The following CDH4 variants were observed in gnomAD, a reference collection of about 807,000 sequenced individuals.
CDH4 encodes cadherin-4.
In CDH4, 33 loss-of-function variants were observed where a neutral mutation model predicts 86.0. That is an observed-to-expected ratio of 0.38 (90% CI 0.29 to 0.51). The LOEUF is 0.51. Ranked by LOEUF, CDH4 falls within the 20% of genes least tolerant of loss-of-function variation. The pLI, the probability that CDH4 is intolerant of heterozygous loss-of-function variation, is 0.86. For missense variants in CDH4, 1,114 were observed against 1,307.4 expected, an observed-to-expected ratio of 0.85 and a Z score of 2.28; for synonymous variants, 555 against 549.4, an observed-to-expected ratio of 1.01 and a Z score of -0.14.
At position 61,501,877 on chromosome 20, in the gene CDH4, G is replaced by A. The variant is rs193266317; in HGVS notation, c.170-241686G>A. 1.6e-3 allele frequency among the ~76,000 whole-genome samples: 237 copies of A among 152,232 alleles called. 1 individual carries two copies. Among genetic ancestry groups the A allele is most frequent in the African/African-American group, 5.6e-3 (234 of 41,544 alleles). On this transcript the variant is annotated intron_variant, in intron 2 of 15. Transcript: ENST00000614565. The surrounding 1 kb of genome is among the most constrained non-coding windows in gnomAD (Gnocchi z 4.2). ...GTGTGTCCTTGTATATACCTGTTGC[G>A]CCTGCGAGAACATGTTCTCCACTCC...
At chr20:61,881,352 A>G (rs1185411520) in intron 7 of CDH4, among the ~76,000 whole-genome samples, 1 of 152,208 alleles carries the variant, frequency 6.6e-6, no homozygotes, top group African/African-American at 2.4e-5. Flanking sequence ...TTTCGTAACC[A>G]AAGTGCCAAG....
At chr20:61,446,691 G>C (rs2085352084) in intron 2 of CDH4, among the ~76,000 whole-genome samples, 1 of 152,166 alleles carries the variant, frequency 6.6e-6, no homozygotes, top group African/African-American at 2.4e-5. Context: ...TGGTTTTAAG[G>C]TTTCCGCATG....
intron 5 of CDH4, among the ~76,000 whole-genome samples, chr20:61,848,611 C>T (rs543655843): frequency 3.7e-4 from 57 of 152,222 alleles, no homozygotes; most frequent in African/African-American, 1.1e-3. Flanking sequence ...CTGCAACCTC[C>T]GCCTCACAGG....
intron 2 of CDH4, among the ~76,000 whole-genome samples, chr20:61,373,428 A>G (rs1282617029): frequency 3.3e-5 from 5 of 152,190 alleles, no homozygotes; most frequent in Non-Finnish European, 7.4e-5. Flanking sequence ...AGACCCTTTT[A>G]TTGTTCTAAA....
At chr20:61,780,587 C>T (rs1320510147) in intron 4 of CDH4, among the ~76,000 whole-genome samples, 4 of 152,352 alleles carry the variant, frequency 2.6e-5, no homozygotes, top group African/African-American at 9.6e-5. Flanking sequence ...GTTAGGGATA[C>T]AGTACCTGGC....
intron 9 of CDH4, among the ~76,000 whole-genome samples, chr20:61,917,305 G>A (rs766296085): frequency 6.6e-5 from 10 of 152,180 alleles, no homozygotes; most frequent in African/African-American, 1.2e-4. Flanking sequence ...GGCCCAGCAC[G>A]GCCTCTTGTC....
intron 2 of CDH4, among the ~76,000 whole-genome samples, chr20:61,710,519 C>G (rs2087878728): frequency 6.6e-6 from 1 of 152,198 alleles, no homozygotes; most frequent in South Asian, 2.1e-4. Flanking sequence ...CCAGCTGCAT[C>G]ACCATTGATA....
At chr20:61,747,078 G>A (rs1021146529) in intron 3 of CDH4, among the ~76,000 whole-genome samples, 3 of 152,206 alleles carry the variant, frequency 2.0e-5, no homozygotes, top group Admixed American at 2.0e-4. Context: ...CCAGCACTCG[G>A]CCTCATGACT....
At chr20:61,359,814 G>A (rs1230750252) in intron 2 of CDH4, among the ~76,000 whole-genome samples, 2 of 152,192 alleles carry the variant, frequency 1.3e-5, no homozygotes, top group South Asian at 2.1e-4. Context: ...TCACCCCAGC[G>A]AGATGGCAGT....
intron 2 of CDH4, among the ~76,000 whole-genome samples, chr20:61,323,962 T>C (rs958715290): frequency 2.6e-5 from 4 of 152,176 alleles, no homozygotes; most frequent in Admixed American, 1.3e-4. Flanking sequence ...CGGGAAAATA[T>C]TAGCTCTGGT....
At position 61,804,919 on chromosome 20, in the gene CDH4, G is replaced by A. The variant is rs755973636; in HGVS notation, c.576+31737G>A. ...ATACAGAGCTGTCAGCTTCAGGCCC[G>A]GCAGGATCTAGGCGCTCAGACAATG... On this transcript the variant is annotated intron_variant, in intron 4 of 15. Coordinates refer to ENST00000614565, the MANE Select transcript of CDH4 (RefSeq NM_001794.5). 4.6e-5 allele frequency among the ~76,000 whole-genome samples: 7 copies of A among 152,300 alleles called. No individual in the cohort carries two copies. The South Asian group carries it at 6.2e-4, about 14-fold the overall frequency.
intron 2 of CDH4, among the ~76,000 whole-genome samples, chr20:61,538,095 A>G (rs2086011395): frequency 6.6e-6 from 1 of 152,062 alleles, no homozygotes; most frequent in South Asian, 2.1e-4. Flanking sequence ...AGGTGCATTC[A>G]CACAGGAGCT....
intron 9 of CDH4, among the ~76,000 whole-genome samples, chr20:61,917,490 C>G (rs751695628): frequency 3.9e-5 from 6 of 152,250 alleles, no homozygotes; most frequent in Admixed American, 3.9e-4. Flanking sequence ...GTGGGAGGCT[C>G]GCAGGTGGGA....
Position 61,635,145 on chromosome 20 carries a change from G to A in CDH4, c.170-108418G>A, listed in dbSNP as rs150978382. ...TCGGGTCCTGCTTCCTGTTCCTTACGATGTCTGCTGAGAAGTTGAATTGCT... is the reference window on the plus strand; with the variant it reads ...TCGGGTCCTGCTTCCTGTTCCTTACAATGTCTGCTGAGAAGTTGAATTGCT... On this transcript the variant is annotated intron_variant, in intron 2 of 15. Coordinates refer to ENST00000614565, the MANE Select transcript of CDH4 (RefSeq NM_001794.5). 3.2e-4 allele frequency among the ~76,000 whole-genome samples: 49 copies of A among 152,228 alleles called. 2 individuals carry two copies. The highest frequency in any genetic ancestry group is 1.9e-3 in the South Asian group (9 of 4,806).
At chr20:61,653,219 C>A (rs951164663) in intron 2 of CDH4, among the ~76,000 whole-genome samples, 4 of 130,948 alleles carry the variant, frequency 3.1e-5, no homozygotes, top group Non-Finnish European at 7.0e-5. Flanking sequence ...CCTGAGTGGA[C>A]GCAGCACATG....
Position 61,937,057 on chromosome 20 carries a change from T to C in CDH4, c.*114T>C. The C allele has an allele frequency of 2.4e-6, 2 of 849,098 alleles. No individual in the cohort carries two copies. The highest frequency in any genetic ancestry group is 3.4e-6 in the Non-Finnish European group (2 of 585,214). The allele number at this position is 849,098 out of a possible 1,614,324, so 52.6% of individuals were successfully genotyped here. A position where few individuals can be genotyped will look rare whatever the true frequency, so the allele number is the denominator to read the frequency against. On this transcript the variant is annotated 3_prime_UTR_variant, in exon 16 of 16. Transcript: ENST00000614565. ...CCTGCGGCTGTGTCCTTAGTGCTGT[T>C]AGGAGGCCCCCCAATCCCCACGTTG...
intron 4 of CDH4, among the ~76,000 whole-genome samples, chr20:61,838,835 A>AG (rs529883753): frequency 4.5e-4 from 60 of 133,126 alleles, no homozygotes; most frequent in Admixed American, 1.3e-3. Context: ...AAAAAAAAAA[A>AG]AAAGAAAGAA....
Position 61,703,624 on chromosome 20 carries a change from A to G in CDH4, c.170-39939A>G, listed in dbSNP as rs2087799659. 6.6e-6 allele frequency among the ~76,000 whole-genome samples: 1 copy of G among 152,172 alleles called. No individual in the cohort carries two copies. The highest frequency in any genetic ancestry group is 1.5e-5 in the Non-Finnish European group (1 of 68,042). The stretch of plus-strand genomic sequence containing the variant: ...TTCCCCGTGCCTGGATGAATCTGCA[A>G]AGAGAGCGGGGATCTGATGTGTGCA... On this transcript the variant is annotated intron_variant, in intron 2 of 15. Transcript: ENST00000614565. This position sits in a 1 kb window ranked among gnomAD's most constrained non-coding sequence, Gnocchi z 4.3.
chr20:61,318,682 G>A (rs947551090), intron 2 of CDH4, among the ~76,000 whole-genome samples: 5 of 152,208 alleles, frequency 3.3e-5, no homozygotes, highest in Admixed American at 6.5e-5. Context: ...CACTGATGAG[G>A]AAATTAGAAG....
Sources: gnomAD v4.1 joint callset for allele counts (sites outside exome capture counted in the v4.1 genomes callset) on GRCh38, gnomAD v4.1.1 for gene constraint, Gnocchi (gnomAD v3.1) non-coding constraint, MANE v1.5 for transcripts, NCBI Gene and HGNC (gene_info 2026-07-23, HGNC 2026-07-21) for gene names.